CACNA2D3: variants seen among roughly 807,000 people sequenced by gnomAD.
CACNA2D3 encodes voltage-dependent calcium channel subunit alpha-2/delta-3.
CACNA2D3 carries 60 observed loss-of-function variants against 160.6 expected under a neutral mutation model. That is an observed-to-expected ratio of 0.37 (90% confidence interval 0.30 to 0.46). The LOEUF is 0.46. Among genes scored for constraint, CACNA2D3 ranks in the 20% least tolerant of loss-of-function variants. The probability of loss-of-function intolerance (pLI) is 1.00; values close to 1 mark genes in which losing one functional copy is unlikely to be tolerated. For missense variants in CACNA2D3, 1,205 were observed against 1,365.0 expected, an observed-to-expected ratio of 0.88 and a Z score of 1.85; for synonymous variants, 558 against 492.9, an observed-to-expected ratio of 1.13 and a Z score of -1.75.
intron 4 of CACNA2D3, among the ~76,000 whole-genome samples, chr3:54,431,782 T>A (rs1699994435): frequency 6.6e-6 from 1 of 152,108 alleles, no homozygotes. Flanking sequence ...AATTTTTGTA[T>A]TTTTAGTAGA....
chr3:54,401,935 C>T (rs1388721854), intron 4 of CACNA2D3, among the ~76,000 whole-genome samples: 1 of 151,928 alleles, frequency 6.6e-6, no homozygotes, highest in Admixed American at 6.6e-5. Flanking sequence ...TGATAGCTAC[C>T]ATTAATTAAG....
chr3:54,813,480 A>G (rs961641724), intron 13 of CACNA2D3, among the ~76,000 whole-genome samples: 1 of 152,162 alleles, frequency 6.6e-6, no homozygotes, highest in African/African-American at 2.4e-5. Flanking sequence ...GTGAGTTTCA[A>G]ATCTATTCCT....
In CACNA2D3 at chr3:54,879,001, T is replaced by C. The variant is rs774333138; in HGVS notation, c.1711-17T>C. 7 of 1,558,346 alleles carry C rather than the reference T, an allele frequency of 4.5e-6. No individual in the cohort carries two copies. The highest frequency in any genetic ancestry group is 6.1e-6 in the Non-Finnish European group (7 of 1,143,150). Reference sequence around the variant, plus strand: ...AACCCAGGGAAGAACTAACACACTTTTCTTTTATCATTTTAGTTGAGAAAT... The same window carrying C: ...AACCCAGGGAAGAACTAACACACTTCTCTTTTATCATTTTAGTTGAGAAAT... On this transcript the variant is annotated splice_polypyrimidine_tract_variant and intron_variant, in intron 18 of 37. Transcript: ENST00000474759.
intron 10 of CACNA2D3, among the ~76,000 whole-genome samples, chr3:54,635,981 C>T (rs1161737917): frequency 1.3e-5 from 2 of 151,874 alleles, no homozygotes; most frequent in Admixed American, 6.6e-5. Context: ...CTGACTCGGG[C>T]ATGTTAAGTA....
At chr3:54,305,392 G>T (rs763172436) in intron 2 of CACNA2D3, among the ~76,000 whole-genome samples, 2 of 152,214 alleles carry the variant, frequency 1.3e-5, no homozygotes, top group Non-Finnish European at 2.9e-5. Context: ...CAGTCCATTT[G>T]AGAAATCATC....
chr3:54,151,625 C>A (rs934231232), intron 2 of CACNA2D3, among the ~76,000 whole-genome samples: 12 of 152,118 alleles, frequency 7.9e-5, no homozygotes, highest in African/African-American at 2.9e-4. Flanking sequence ...GGCAGTGTGA[C>A]CCCCATTAAG....
At chr3:54,304,903 ATCTTTT>A (rs1273871753) in intron 2 of CACNA2D3, among the ~76,000 whole-genome samples, 6 of 151,584 alleles carry the variant, frequency 4.0e-5, no homozygotes, top group Non-Finnish European at 8.8e-5. Flanking sequence ...TCCTCCGAGC[ATCTTTT>A]GCTCTTTTTT....
Position 54,537,020 on chromosome 3 carries a change from A to C in CACNA2D3, c.545-25780A>C, listed in dbSNP as rs1477308843. ...TCGATAAATGGCTATCACTCCTGTC[A>C]ATAACAATGACTCTCTCTTAGTCCT... On this transcript the variant is annotated intron_variant, in intron 5 of 37. Transcript: ENST00000474759. Among the ~76,000 whole-genome samples, 3 of 152,046 alleles carry C rather than the reference A, an allele frequency of 2.0e-5. No homozygotes were observed. The East Asian group carries it at 5.8e-4, about 29-fold the overall frequency.
At chr3:55,007,061 C>A (rs560148528) in intron 32 of CACNA2D3, among the ~76,000 whole-genome samples, 1 of 152,290 alleles carries the variant, frequency 6.6e-6, no homozygotes, top group African/African-American at 2.4e-5. Flanking sequence ...AAAGAACCAA[C>A]TGAGGGGGAG....
intron 2 of CACNA2D3, among the ~76,000 whole-genome samples, chr3:54,211,379 C>G (rs1475603591): frequency 6.6e-6 from 1 of 152,094 alleles, no homozygotes; most frequent in Non-Finnish European, 1.5e-5. Context: ...TGCTCTTATC[C>G]ACAGTGCCGC....
chr3:54,605,720 T>A (rs980329165), intron 9 of CACNA2D3, among the ~76,000 whole-genome samples: 2 of 152,316 alleles, frequency 1.3e-5, no homozygotes, highest in South Asian at 2.1e-4. Flanking sequence ...AGTATGTAGA[T>A]CCCAGAAAAG....
chr3:54,689,576 AC>A (rs1700535333), intron 11 of CACNA2D3, among the ~76,000 whole-genome samples: 1 of 151,842 alleles, frequency 6.6e-6, no homozygotes, highest in Non-Finnish European at 1.5e-5. Context: ...TCCCTCAGCC[AC>A]CCCCAGTGTG....
At chr3:54,797,773 A>G (rs866469346) in intron 13 of CACNA2D3, among the ~76,000 whole-genome samples, 12 of 152,322 alleles carry the variant, frequency 7.9e-5, no homozygotes, top group Middle Eastern at 3.4e-3. Context: ...CCCTTAAGAA[A>G]AAAGACTTTT....
intron 35 of CACNA2D3, among the ~76,000 whole-genome samples, chr3:55,049,170 G>A (rs868347769): frequency 6.0e-5 from 9 of 150,936 alleles, no homozygotes; most frequent in Admixed American, 1.3e-4. Flanking sequence ...GCTCTTGCTT[G>A]TCTAGTTCTT....
intron 35 of CACNA2D3, among the ~76,000 whole-genome samples, chr3:55,022,016 A>G (rs1422371219): frequency 2.0e-5 from 3 of 152,096 alleles, no homozygotes; most frequent in Non-Finnish European, 4.4e-5. Flanking sequence ...GACAAAGTAT[A>G]CAAATTATGT....
chr3:54,352,663 G>A (rs1264133341), intron 3 of CACNA2D3, among the ~76,000 whole-genome samples: 1 of 152,184 alleles, frequency 6.6e-6, no homozygotes, highest in East Asian at 1.9e-4. Flanking sequence ...GCAGTTTGGG[G>A]TACTTCCACA....
At chr3:54,440,686 T>A (rs1332592287) in intron 4 of CACNA2D3, among the ~76,000 whole-genome samples, 2 of 152,138 alleles carry the variant, frequency 1.3e-5, no homozygotes, top group Non-Finnish European at 2.9e-5. Flanking sequence ...CCTTCCTGTG[T>A]CCATGTGTTC....
intron 5 of CACNA2D3, among the ~76,000 whole-genome samples, chr3:54,513,768 C>A (rs145272541): frequency 6.6e-6 from 1 of 152,156 alleles, no homozygotes; most frequent in South Asian, 2.1e-4. Flanking sequence ...GCAACCTCTG[C>A]CTCCTGGGTT....
intron 11 of CACNA2D3, among the ~76,000 whole-genome samples, chr3:54,665,016 A>G (rs1700037807): frequency 6.6e-6 from 1 of 152,234 alleles, no homozygotes. Context: ...CCAGCCAGAA[A>G]TAATATACCT....
Sources: gnomAD v4.1 joint callset for allele counts (sites outside exome capture counted in the v4.1 genomes callset) on GRCh38, gnomAD v4.1.1 for gene constraint, MANE v1.5 for transcripts, NCBI Gene and HGNC (gene_info 2026-07-23, HGNC 2026-07-21) for gene names.